Variants in FBXO34 observed in about 807,000 individuals in gnomAD.
FBXO34 encodes the protein F-box protein 34.
FBXO34 carries 12 observed loss-of-function variants against 24.5 expected under a neutral mutation model. That is an observed-to-expected ratio of 0.49 (90% CI 0.31 to 0.79). The LOEUF is 0.79. Ranked by LOEUF, FBXO34 falls within the 30% of genes least tolerant of loss-of-function variation. FBXO34 has a pLI of 0.04. For missense variants in FBXO34, 823 were observed against 857.7 expected (o/e 0.96, Z 0.51); for synonymous variants, 320 against 311.9 (o/e 1.03, Z -0.27).
chr14:55,284,656 A>C (rs1860206272), intron 1 of FBXO34, among the ~76,000 whole-genome samples: 1 of 138,672 alleles, frequency 7.2e-6, no homozygotes, highest in Non-Finnish European at 1.5e-5. Flanking sequence ...GGTCTCTGTC[A>C]CCCAAGCTAG....
chr14:55,435,758 A>AC, the FBXO34 span: 2 of 970,296 alleles, frequency 2.1e-6, no homozygotes, highest in African/African-American at 1.7e-5. Context: ...TTAAGAAAAA[A>AC]CAGAGGAATT....
chr14:55,288,615 T>C (rs1009059394), intron 1 of FBXO34, among the ~76,000 whole-genome samples: 6 of 152,376 alleles, frequency 3.9e-5, no homozygotes, highest in African/African-American at 1.4e-4. Flanking sequence ...TACTTGTAAC[T>C]GTTTAGAAAC....
the FBXO34 span, among the ~76,000 whole-genome samples, chr14:55,410,300 A>G: frequency 6.6e-6 from 1 of 152,252 alleles, no homozygotes; most frequent in East Asian, 1.9e-4. Flanking sequence ...TCTTAAGCAT[A>G]TAGATGGTAT....
At chr14:55,381,400 T>TA in the FBXO34 span, among the ~76,000 whole-genome samples, 2 of 152,222 alleles carry the variant, frequency 1.3e-5, no homozygotes, top group African/African-American at 4.8e-5. Context: ...ACTATAAATA[T>TA]GGGTCTAAAC....
chr14:55,336,824 T>TAAAAA, intron 1 of FBXO34, among the ~76,000 whole-genome samples: 1 of 142,572 alleles, frequency 7.0e-6, no homozygotes. Flanking sequence ...CCCAGAAATG[T>TAAAAA]AAAAAAAAAA....
chr14:55,325,659 G>A (rs139582684), intron 1 of FBXO34, among the ~76,000 whole-genome samples: 1,703 of 152,250 alleles, frequency 0.011, 14 homozygotes, highest in Middle Eastern at 0.027. Flanking sequence ...ATTTTTAGTA[G>A]AGATGGGGTT....
chr14:55,430,139 T>G, the FBXO34 span, among the ~76,000 whole-genome samples: 1 of 152,144 alleles, frequency 6.6e-6, no homozygotes, highest in African/African-American at 2.4e-5. Flanking sequence ...TTTTCAACTG[T>G]TAGTGACAAA....
At chr14:55,371,663 G>T (rs1884820433), downstream of FBXO34, among the ~76,000 whole-genome samples, 1 of 152,120 alleles carries the variant, frequency 6.6e-6, no homozygotes, top group South Asian at 2.1e-4. Context: ...AATTAGCTGG[G>T]TGTGATGGCG....
intron 1 of FBXO34, among the ~76,000 whole-genome samples, chr14:55,291,520 T>C (rs1030313644): frequency 2.0e-5 from 3 of 152,152 alleles, no homozygotes; most frequent in Admixed American, 6.5e-5. Flanking sequence ...AGGGTAATAA[T>C]GTATTCTTTA....
intron 1 of FBXO34, among the ~76,000 whole-genome samples, chr14:55,274,834 C>G (rs1881281295): frequency 6.6e-6 from 1 of 152,110 alleles, no homozygotes; most frequent in South Asian, 2.1e-4. Context: ...TTAGTGTTAT[C>G]TTCCAAAATT....
chr14:55,370,730 G>A (rs570682715), downstream of FBXO34, among the ~76,000 whole-genome samples: 1 of 150,446 alleles, frequency 6.6e-6, no homozygotes, highest in Non-Finnish European at 1.5e-5. Context: ...AACCTCCACC[G>A]CCCAGGTGCA....
chr14:55,296,177 T>G (rs1181358436), intron 1 of FBXO34, among the ~76,000 whole-genome samples: 3 of 152,300 alleles, frequency 2.0e-5, no homozygotes, highest in African/African-American at 7.2e-5. Flanking sequence ...AAGCCAGAGT[T>G]GGCTCCTAAT....
chr14:55,363,419 G>A (rs770586268), downstream of FBXO34, among the ~76,000 whole-genome samples: 1 of 151,794 alleles, frequency 6.6e-6, no homozygotes, highest in Admixed American at 6.6e-5. Context: ...CCTCAGCCTC[G>A]CAGGTTTACA....
At chr14:55,429,328 A>C in the FBXO34 span, among the ~76,000 whole-genome samples, 97 of 152,366 alleles carry the variant, frequency 6.4e-4, no homozygotes, top group African/African-American at 2.0e-3. Context: ...TTAGAAATGC[A>C]AAGTCCCAGG....
intron 1 of FBXO34, among the ~76,000 whole-genome samples, chr14:55,293,834 G>GT (rs373931699): frequency 0.39 from 58,596 of 148,686 alleles, 11,514 homozygotes; most frequent in Non-Finnish European, 0.42. Flanking sequence ...ATGAAGTGTG[G>GT]TTTTTTTTTT....
At chr14:55,333,030 C>A (rs935566170) in intron 1 of FBXO34, among the ~76,000 whole-genome samples, 2 of 152,100 alleles carry the variant, frequency 1.3e-5, no homozygotes, top group African/African-American at 4.8e-5. Flanking sequence ...AGCTCAGGTG[C>A]TGTTATGTTT....
At chr14:55,426,410 A>C in the FBXO34 span, among the ~76,000 whole-genome samples, 1 of 152,218 alleles carries the variant, frequency 6.6e-6, no homozygotes, top group East Asian at 1.9e-4. Flanking sequence ...TGACATACAA[A>C]TTTGCAGAAC....
intron 1 of FBXO34, among the ~76,000 whole-genome samples, chr14:55,283,205 G>A (rs1011105652): frequency 1.3e-5 from 2 of 151,996 alleles, no homozygotes; most frequent in African/African-American, 4.8e-5. Flanking sequence ...ATGCTTTATT[G>A]AATCGTCTTT....
chr14:55,298,529 T>C, intron 1 of FBXO34: 1 of 612,906 alleles, frequency 1.6e-6, no homozygotes. Flanking sequence ...ACCCCTACAT[T>C]TGACCTACTT....
Sources: allele counts gnomAD v4.1 joint callset (sites outside exome capture counted in the v4.1 genomes callset), GRCh38; gene constraint gnomAD v4.1.1; transcripts MANE v1.5; gene names NCBI Gene and HGNC (gene_info 2026-07-23, HGNC 2026-07-21).